Variants in SEMA5A observed in about 807,000 individuals in gnomAD.
SEMA5A encodes semaphorin-5A.
Under a neutral mutation model 135.5 loss-of-function variants are expected in SEMA5A, and 55 were observed. The ratio of observed to expected loss-of-function variants is 0.41; its 90% CI spans 0.33 to 0.51. The LOEUF (loss-of-function observed/expected upper bound fraction) is 0.51, where lower values mean the gene tolerates loss of function less well. SEMA5A is among the 20% of genes least tolerant of loss of function. The probability of loss-of-function intolerance (pLI) is 0.37; values close to 1 mark genes in which losing one functional copy is unlikely to be tolerated. For missense variants in SEMA5A, 1,290 were observed against 1,419.9 expected, an observed-to-expected ratio of 0.91 and a Z score of 1.47; for synonymous variants, 580 against 546.5, an observed-to-expected ratio of 1.06 and a Z score of -0.85.
chr5:9,357,094 C>T (rs998297840), intron 3 of SEMA5A, among the ~76,000 whole-genome samples: 1 of 152,296 alleles, frequency 6.6e-6, no homozygotes, highest in South Asian at 2.1e-4. Flanking sequence ...ACATGCATGG[C>T]CAAATCTCCA....
intron 1 of SEMA5A, among the ~76,000 whole-genome samples, chr5:9,474,051 C>T (rs1759578115): frequency 1.3e-5 from 2 of 152,094 alleles, no homozygotes; most frequent in African/African-American, 2.4e-5. Flanking sequence ...CCACAAAAAG[C>T]GATGTCAAAT....
At chr5:9,298,752 A>G (rs1281962348) in intron 5 of SEMA5A, among the ~76,000 whole-genome samples, 1 of 152,190 alleles carries the variant, frequency 6.6e-6, no homozygotes. Flanking sequence ...CTTTTTCAAG[A>G]CTGTGATGGT....
chr5:9,220,868 G>A (rs1247804044), intron 8 of SEMA5A, among the ~76,000 whole-genome samples: 2 of 152,186 alleles, frequency 1.3e-5, no homozygotes, highest in African/African-American at 4.8e-5. Context: ...GAGAACCACA[G>A]CAGCGCCGCA....
chr5:9,485,975 G>A (rs1444552074), intron 1 of SEMA5A, among the ~76,000 whole-genome samples: 1 of 152,010 alleles, frequency 6.6e-6, no homozygotes, highest in African/African-American at 2.4e-5. Flanking sequence ...ATAAAAAATA[G>A]GATTATTTGT....
intron 5 of SEMA5A, among the ~76,000 whole-genome samples, chr5:9,287,808 A>G (rs1750875223): frequency 6.6e-6 from 1 of 152,226 alleles, no homozygotes; most frequent in Non-Finnish European, 1.5e-5. Flanking sequence ...GGCCCTGTAC[A>G]GAAAATGTTT....
chr5:9,453,807 G>C (rs184493923), intron 1 of SEMA5A, among the ~76,000 whole-genome samples: 1 of 152,198 alleles, frequency 6.6e-6, no homozygotes, highest in East Asian at 1.9e-4. Flanking sequence ...AAGAAAAGAC[G>C]TAAAATATCA....
chr5:9,085,564 A>G (rs1310204677), intron 16 of SEMA5A, among the ~76,000 whole-genome samples: 1 of 152,226 alleles, frequency 6.6e-6, no homozygotes, highest in East Asian at 1.9e-4. Flanking sequence ...CACAGAAGTC[A>G]AGAACTGGGG....
At chr5:9,536,654 A>T (rs1032944835) in intron 1 of SEMA5A, among the ~76,000 whole-genome samples, 75 of 151,580 alleles carry the variant, frequency 4.9e-4, no homozygotes, top group African/African-American at 1.7e-3. Context: ...GCAGTCTAGG[A>T]TTTCCCTTTC....
chr5:9,233,468 T>C (rs1455912397), intron 6 of SEMA5A, among the ~76,000 whole-genome samples: 1 of 151,880 alleles, frequency 6.6e-6, no homozygotes, highest in Non-Finnish European at 1.5e-5. Flanking sequence ...CCACCCCCAC[T>C]TTTTTTCCCC....
At chr5:9,137,541 T>C (rs1741828163) in intron 12 of SEMA5A, among the ~76,000 whole-genome samples, 1 of 152,140 alleles carries the variant, frequency 6.6e-6, no homozygotes, top group Non-Finnish European at 1.5e-5. Context: ...CGCAGGACAT[T>C]GAACCTGGGA....
chr5:9,205,770 C>G (rs566618342), intron 8 of SEMA5A, among the ~76,000 whole-genome samples: 85 of 152,290 alleles, frequency 5.6e-4, no homozygotes, highest in African/African-American at 1.9e-3. Context: ...GGGAGTGAGA[C>G]TGCATTTGGA....
intron 1 of SEMA5A, among the ~76,000 whole-genome samples, chr5:9,463,486 C>A (rs1418040232): frequency 6.6e-6 from 1 of 151,986 alleles, no homozygotes; most frequent in Non-Finnish European, 1.5e-5. Flanking sequence ...GGCAATCATT[C>A]TCTAAAGAAA....
chr5:9,291,802 G>A (rs1457723635), intron 5 of SEMA5A, among the ~76,000 whole-genome samples: 1 of 135,000 alleles, frequency 7.4e-6, no homozygotes, highest in Non-Finnish European at 1.6e-5. Context: ...TTGGAATTTT[G>A]GAATTCCTGA....
intron 5 of SEMA5A, among the ~76,000 whole-genome samples, chr5:9,256,543 T>C (rs1749077069): frequency 6.6e-6 from 1 of 152,232 alleles, no homozygotes; most frequent in Admixed American, 6.5e-5. Flanking sequence ...AAGAACTTCA[T>C]AAATACTTTC....
intron 2 of SEMA5A, among the ~76,000 whole-genome samples, chr5:9,434,837 A>G (rs1757975258): frequency 6.6e-6 from 1 of 152,172 alleles, no homozygotes; most frequent in African/African-American, 2.4e-5. Flanking sequence ...CTTCTGCTAT[A>G]TTATCAGGCT....
intron 3 of SEMA5A, among the ~76,000 whole-genome samples, chr5:9,378,888 C>T (rs1027840734): frequency 6.6e-6 from 1 of 151,878 alleles, no homozygotes. Context: ...AATTCCTTAT[C>T]TTTGAGTATT....
rs182661822 is a variant in SEMA5A at position 9,474,218 on chromosome 5, G to A, written c.-174-36366C>T. Reference sequence around the variant, plus strand: ...TGATCAGTGAGAGAAAGGATCTTACGTGGAGTCCGAGCATCCCAAAGAAGG... The same window carrying A: ...TGATCAGTGAGAGAAAGGATCTTACATGGAGTCCGAGCATCCCAAAGAAGG... On this transcript the variant is annotated intron_variant, in intron 1 of 22. Transcript: ENST00000382496. Among the ~76,000 whole-genome samples the A allele has an allele frequency of 5.7e-4, 87 of 152,266 alleles. 1 individual carries two copies. The highest frequency in any genetic ancestry group is 3.2e-4 in the Non-Finnish European group (22 of 68,026).
chr5:9,523,774 C>A (rs1259137509), intron 1 of SEMA5A, among the ~76,000 whole-genome samples: 2 of 152,222 alleles, frequency 1.3e-5, no homozygotes, highest in African/African-American at 4.8e-5. Context: ...GAGCAGAAAA[C>A]AACTCTGTCA....
At chr5:9,372,364 G>A (rs1755173495) in intron 3 of SEMA5A, among the ~76,000 whole-genome samples, 1 of 151,938 alleles carries the variant, frequency 6.6e-6, no homozygotes, top group East Asian at 1.9e-4. Context: ...GGAACTGTGG[G>A]ACACGCGTGG....
Sources: gnomAD v4.1 joint callset for allele counts (sites outside exome capture counted in the v4.1 genomes callset) on GRCh38, gnomAD v4.1.1 for gene constraint, MANE v1.5 for transcripts, NCBI Gene and HGNC (gene_info 2026-07-23, HGNC 2026-07-21) for gene names.